Variants in ADAMTSL1 observed in about 807,000 individuals in gnomAD.
The protein encoded by ADAMTSL1 is ADAMTS like 1, also known as ADAMTS-like protein 1.
A neutral mutation model predicts 201.8 loss-of-function variants in ADAMTSL1; 126 were observed. The observed-to-expected ratio is 0.62, with a 90% confidence interval of 0.54 to 0.72. The LOEUF (loss-of-function observed/expected upper bound fraction) is 0.72. Ranked by LOEUF, ADAMTSL1 falls within the 30% of genes least tolerant of loss-of-function variation. The probability of loss-of-function intolerance (pLI) is 0.00; values close to 1 mark genes in which losing one functional copy is unlikely to be tolerated. For synonymous variants in ADAMTSL1, 1,121 were observed against 903.4 expected, an observed-to-expected ratio of 1.24 and a Z score of -4.32; for missense variants, 2,679 against 2,277.8, an observed-to-expected ratio of 1.18 and a Z score of -3.59.
chr9:17,967,800 T>G (rs1211966282), intron 1 of ADAMTSL1, among the ~76,000 whole-genome samples: 1 of 152,138 alleles, frequency 6.6e-6, no homozygotes, highest in African/African-American at 2.4e-5. Flanking sequence ...AATTTTAACA[T>G]GTATATACTT....
At chr9:17,998,201 A>G (rs1409995653) in intron 1 of ADAMTSL1, among the ~76,000 whole-genome samples, 1 of 152,108 alleles carries the variant, frequency 6.6e-6, no homozygotes, top group African/African-American at 2.4e-5. Context: ...ACATATGTGC[A>G]CACATACCTA....
intron 1 of ADAMTSL1, among the ~76,000 whole-genome samples, chr9:18,055,483 A>G (rs766696133): frequency 6.6e-6 from 1 of 152,250 alleles, no homozygotes; most frequent in Admixed American, 6.5e-5. Context: ...AAACCCTTCT[A>G]TAAACTATAA....
At chr9:18,223,676 A>T (rs147167384) in intron 2 of ADAMTSL1, among the ~76,000 whole-genome samples, 1 of 152,148 alleles carries the variant, frequency 6.6e-6, no homozygotes. Flanking sequence ...TAATCCTTGA[A>T]CTATATTAAA....
intron 1 of ADAMTSL1, among the ~76,000 whole-genome samples, chr9:17,993,570 G>T (rs1440910671): frequency 6.6e-6 from 1 of 152,132 alleles, no homozygotes; most frequent in Non-Finnish European, 1.5e-5. Flanking sequence ...CTAATGAGAA[G>T]TGACAGGATT....
chr9:18,267,781 C>A (rs7862442), intron 2 of ADAMTSL1, among the ~76,000 whole-genome samples: 23,345 of 133,720 alleles, frequency 0.17, 3,010 homozygotes, highest in African/African-American at 0.31. Flanking sequence ...AAAACAAAAA[C>A]AAAAACAAAA....
intron 2 of ADAMTSL1, among the ~76,000 whole-genome samples, chr9:18,334,908 C>T (rs1244945385): frequency 6.6e-6 from 1 of 152,218 alleles, no homozygotes; most frequent in Non-Finnish European, 1.5e-5. Flanking sequence ...CTAAGCATTC[C>T]CTTTTCCAGT....
intron 23 of ADAMTSL1, among the ~76,000 whole-genome samples, chr9:18,865,921 A>C (rs903915132): frequency 1.3e-4 from 20 of 152,074 alleles, no homozygotes; most frequent in African/African-American, 4.6e-4. Flanking sequence ...CTCCGCATAT[A>C]CGTAGCTGGG....
intron 10 of ADAMTSL1, among the ~76,000 whole-genome samples, chr9:18,676,762 T>C (rs918372248): frequency 1.3e-5 from 2 of 152,046 alleles, no homozygotes; most frequent in South Asian, 2.1e-4. Context: ...TCATAAATGG[T>C]TGGAGTAATC....
At chr9:18,739,899 C>CTGTGTGTGTGTGTGTGTGTGTG (rs5896804) in intron 15 of ADAMTSL1, among the ~76,000 whole-genome samples, 2 of 148,118 alleles carry the variant, frequency 1.4e-5, no homozygotes, top group Admixed American at 6.7e-5. Context: ...TGTCTACTAT[C>CTGTGTGTGTGTGTGTGTGTGTG]TGTGTGTGTG....
At chr9:18,409,897 C>T (rs1818362584) in intron 2 of ADAMTSL1, among the ~76,000 whole-genome samples, 1 of 150,364 alleles carries the variant, frequency 6.7e-6, no homozygotes, top group South Asian at 2.1e-4. Flanking sequence ...AAATTTGTTT[C>T]TTTCCTATTC....
chr9:18,267,360 G>C (rs537169475), intron 2 of ADAMTSL1, among the ~76,000 whole-genome samples: 6 of 152,056 alleles, frequency 3.9e-5, no homozygotes, highest in Non-Finnish European at 8.8e-5. Flanking sequence ...GTTCTTACAG[G>C]TGAGAGAGCT....
In ADAMTSL1 at chr9:18,621,289, A is replaced by G. The variant is rs115455909; in HGVS notation, c.475-954A>G. The stretch of plus-strand genomic sequence containing the variant: ...AAGACACAAATGGCATTGCCCACAT[A>G]CTTTATAAAAGCCTGTGATGTTGTT... On this transcript the variant is annotated intron_variant, in intron 4 of 28. Transcript: ENST00000380548. Among the ~76,000 whole-genome samples, 326 of 152,300 alleles carry G rather than the reference A, an allele frequency of 2.1e-3. 1 individual carries two copies. The highest frequency in any genetic ancestry group is 7.3e-3 in the African/African-American group (304 of 41,558).
At chr9:18,629,928 T>G (rs1040782340) in intron 5 of ADAMTSL1, among the ~76,000 whole-genome samples, 2 of 152,216 alleles carry the variant, frequency 1.3e-5, no homozygotes, top group Non-Finnish European at 2.9e-5. Flanking sequence ...AGTAACTATT[T>G]TAATATCCAT....
chr9:18,327,479 C>T (rs2132886921), intron 2 of ADAMTSL1, among the ~76,000 whole-genome samples: 1 of 152,312 alleles, frequency 6.6e-6, no homozygotes, highest in Admixed American at 6.5e-5. Context: ...GAAAGTCAAT[C>T]AGCCCACGTA....
intron 2 of ADAMTSL1, among the ~76,000 whole-genome samples, chr9:18,177,264 T>C (rs1240770974): frequency 6.6e-6 from 1 of 152,198 alleles, no homozygotes; most frequent in Non-Finnish European, 1.5e-5. Context: ...GCTAAGTAAG[T>C]TGTTGAAAAC....
intron 3 of ADAMTSL1, among the ~76,000 whole-genome samples, chr9:18,534,829 C>A (rs984691898): frequency 2.6e-5 from 4 of 152,222 alleles, no homozygotes; most frequent in Non-Finnish European, 5.9e-5. Context: ...ACCTTGGCCA[C>A]TTTTAGCCAC....
chr9:18,325,016 G>A (rs1834773330), intron 2 of ADAMTSL1, among the ~76,000 whole-genome samples: 1 of 152,072 alleles, frequency 6.6e-6, no homozygotes, highest in Admixed American at 6.5e-5. Context: ...GCATTCATCA[G>A]GAAAATGCAA....
Position 17,996,960 on chromosome 9 carries a change from G to A in ADAMTSL1, c.87+90038G>A, listed in dbSNP as rs554192424. ...CACTTAACTGGAGATAACAGCTTAGGTTGCTTTCTGATTTAACCTCCTTGC... is the reference window on the plus strand; with the variant it reads ...CACTTAACTGGAGATAACAGCTTAGATTGCTTTCTGATTTAACCTCCTTGC... On this transcript the variant is annotated intron_variant, in intron 1 of 29. Coordinates refer to the ADAMTSL1 transcript ENST00000680146. Among the ~76,000 whole-genome samples the A allele has an allele frequency of 3.9e-5, 6 of 152,210 alleles. No individual in the cohort carries two copies. In the South Asian group the frequency reaches 1.2e-3, roughly 32 times the overall value.
chr9:18,194,677 C>G (rs372865621), intron 2 of ADAMTSL1, among the ~76,000 whole-genome samples: 6 of 152,056 alleles, frequency 3.9e-5, no homozygotes, highest in Non-Finnish European at 8.8e-5. Context: ...GGCCCAGGGT[C>G]TAGGACTGTA....
Sources: gnomAD v4.1 joint callset for allele counts (sites outside exome capture counted in the v4.1 genomes callset) on GRCh38, gnomAD v4.1.1 for gene constraint, MANE v1.5 for transcripts, NCBI Gene and HGNC (gene_info 2026-07-23, HGNC 2026-07-21) for gene names.